Variants in PRKAR1B observed in about 807,000 individuals in gnomAD.
PRKAR1B encodes cAMP-dependent protein kinase type I-beta regulatory subunit.
PRKAR1B carries 22 observed loss-of-function variants against 46.5 expected under a neutral mutation model. The observed-to-expected ratio is 0.47, with a 90% CI of 0.34 to 0.68. The LOEUF (loss-of-function observed/expected upper bound fraction) is 0.68. Among genes scored for constraint, PRKAR1B ranks in the 30% least tolerant of loss-of-function variants. PRKAR1B has a pLI of 0.01. For missense variants in PRKAR1B, 445 were observed against 535.6 expected, an observed-to-expected ratio of 0.83 and a Z score of 1.67; for synonymous variants, 259 against 217.7, an observed-to-expected ratio of 1.19 and a Z score of -1.67.
chr7:552,236 C>G (rs113895949), intron 9 of PRKAR1B, among the ~76,000 whole-genome samples: 141 of 99,676 alleles, frequency 1.4e-3, no homozygotes, highest in African/African-American at 2.0e-3. Context: ...ACGTCACCAC[C>G]CAAACCCCCA....
chr7:596,943 G>A (rs780238875), intron 6 of PRKAR1B, among the ~76,000 whole-genome samples: 15 of 152,256 alleles, frequency 9.9e-5, no homozygotes, highest in Admixed American at 2.0e-4. Flanking sequence ...TGGGCGCTGC[G>A]GCCGAGCTGC....
intron 8 of PRKAR1B, among the ~76,000 whole-genome samples, chr7:580,684 T>A (rs1780122469): frequency 6.6e-6 from 1 of 151,250 alleles, no homozygotes; most frequent in Admixed American, 6.6e-5. Flanking sequence ...GAAAAAAAAT[T>A]TACTAACGTC....
Position 584,495 on chromosome 7 carries a change from C to A in PRKAR1B, c.769+13G>T, listed in dbSNP as rs370508759. 6 of 1,613,042 alleles carry A rather than the reference C, an allele frequency of 3.7e-6. No homozygotes were observed. Among genetic ancestry groups the A allele is most frequent in the African/African-American group, 1.3e-5 (1 of 74,928 alleles). On this transcript the variant is annotated intron_variant, in intron 8 of 10. Transcript: ENST00000537384. ...GTCGGGACACACAGCCGTGCAGGGGCGCAGCCACTGACCTAGGATGGAGAC... is the reference window on the plus strand; with the variant it reads ...GTCGGGACACACAGCCGTGCAGGGGAGCAGCCACTGACCTAGGATGGAGAC...
At chr7:660,536 C>T (rs1785459505) in intron 4 of PRKAR1B, among the ~76,000 whole-genome samples, 2 of 118,710 alleles carry the variant, frequency 1.7e-5, no homozygotes. Context: ...TGGCACAGGT[C>T]CCCACCCCAA....
intron 4 of PRKAR1B, among the ~76,000 whole-genome samples, chr7:613,239 TTG>T (rs1193840163): frequency 6.9e-6 from 1 of 144,642 alleles, no homozygotes; most frequent in East Asian, 1.9e-4. Flanking sequence ...TCTTTTTCTT[TTG>T]TTTTTTTTTT....
At chr7:572,866 T>C (rs1779604038) in intron 9 of PRKAR1B, among the ~76,000 whole-genome samples, 1 of 152,180 alleles carries the variant, frequency 6.6e-6, no homozygotes, top group Non-Finnish European at 1.5e-5. Context: ...CTTTAGAAAC[T>C]GCTGGAGGAA....
At chr7:613,499 T>G (rs1038719818) in intron 4 of PRKAR1B, among the ~76,000 whole-genome samples, 8 of 152,244 alleles carry the variant, frequency 5.3e-5, no homozygotes, top group Admixed American at 5.2e-4. Context: ...GCGTACGGGA[T>G]CAGAACCAGC....
At chr7:582,798 C>A (rs1780268619) in intron 8 of PRKAR1B, among the ~76,000 whole-genome samples, 1 of 152,240 alleles carries the variant, frequency 6.6e-6, no homozygotes, top group Admixed American at 6.5e-5. Flanking sequence ...CCACCCAGGT[C>A]TGGCTGAAAG....
At chr7:656,308 G>C (rs908721981) in intron 4 of PRKAR1B, among the ~76,000 whole-genome samples, 1 of 152,186 alleles carries the variant, frequency 6.6e-6, no homozygotes, top group Admixed American at 6.5e-5. Flanking sequence ...ATGAGCTAAT[G>C]AATGAATGAA....
intron 2 of PRKAR1B, among the ~76,000 whole-genome samples, chr7:694,254 C>T (rs2128518193): frequency 6.6e-6 from 1 of 152,234 alleles, no homozygotes; most frequent in African/African-American, 2.4e-5. Flanking sequence ...CACTGCACTC[C>T]AGCCTGGGCG....
At chr7:563,844 T>G (rs1158772225) in intron 9 of PRKAR1B, among the ~76,000 whole-genome samples, 1 of 151,716 alleles carries the variant, frequency 6.6e-6, no homozygotes, top group South Asian at 2.1e-4. Flanking sequence ...CGGATCAGTG[T>G]GTGTGCATGG....
intron 7 of PRKAR1B, among the ~76,000 whole-genome samples, chr7:591,716 T>C (rs904659754): frequency 2.6e-5 from 4 of 152,012 alleles, no homozygotes; most frequent in South Asian, 2.1e-4. Flanking sequence ...AAGAAAAATA[T>C]ATACAGCAGC....
Position 714,564 on chromosome 7 carries a change from C to T in PRKAR1B, c.-22-3037G>A, listed in dbSNP as rs186120696. On this transcript the variant is annotated intron_variant, in intron 1 of 10. Coordinates refer to ENST00000537384, the MANE Select transcript of PRKAR1B (RefSeq NM_001164760.2). This position sits in a 1 kb window ranked among gnomAD's most constrained non-coding sequence, Gnocchi z 4.3. ...CTCTCTCTTTCACACTTTTCCCCGC[C>T]ACTCAGATCCCTGTTCCAGTGGCCC... Among the ~76,000 whole-genome samples the T allele has an allele frequency of 3.3e-3, 503 of 152,336 alleles. 2 individuals are homozygous for T. Among genetic ancestry groups the T allele is most frequent in the Non-Finnish European group, 5.5e-3 (377 of 68,028 alleles).
At chr7:723,842 G>A (rs550073591) in intron 1 of PRKAR1B, among the ~76,000 whole-genome samples, 18 of 152,300 alleles carry the variant, frequency 1.2e-4, no homozygotes, top group African/African-American at 4.3e-4. Context: ...ACCTGAGGCT[G>A]CCGTAACAAA....
chr7:636,002 G>GGACTGT (rs1784044120), intron 4 of PRKAR1B, among the ~76,000 whole-genome samples: 2 of 76,798 alleles, frequency 2.6e-5, no homozygotes, highest in Non-Finnish European at 5.2e-5. Flanking sequence ...GTCCTCCACC[G>GGACTGT]GCCGCGCCCT....
At position 550,606 on chromosome 7, in the gene PRKAR1B, G is replaced by A; in HGVS notation, c.974-4C>T. The stretch of plus-strand genomic sequence containing the variant: ...TTCAGCAGCAGTGCAATCTCCCCTG[G>A]GGGTTGAAGAGAGAGGTCAGGGCTG... On this transcript the variant is annotated splice_region_variant and splice_polypyrimidine_tract_variant and intron_variant, in intron 10 of 10. Transcript: ENST00000537384. 1.3e-6 allele frequency: 2 copies of A among 1,554,564 alleles called. No individual in the cohort carries two copies. Among genetic ancestry groups the A allele is most frequent in the Non-Finnish European group, 1.7e-6 (2 of 1,154,560 alleles).
At chr7:649,811 C>T (rs1458060077) in intron 4 of PRKAR1B, among the ~76,000 whole-genome samples, 1 of 151,910 alleles carries the variant, frequency 6.6e-6, no homozygotes, top group Non-Finnish European at 1.5e-5. Context: ...AGCGATCCCC[C>T]CATCTCAGCT....
At chr7:651,386 T>C (rs895153627) in intron 4 of PRKAR1B, among the ~76,000 whole-genome samples, 1 of 152,226 alleles carries the variant, frequency 6.6e-6, no homozygotes, top group South Asian at 2.1e-4. Context: ...CCGAAACACA[T>C]GATGCCTTAC....
intron 2 of PRKAR1B, among the ~76,000 whole-genome samples, chr7:692,906 G>A (rs1238752696): frequency 6.6e-6 from 1 of 151,966 alleles, no homozygotes; most frequent in Non-Finnish European, 1.5e-5. Context: ...AGGGGGCTGA[G>A]AAGAGGAGTT....
Sources: allele counts gnomAD v4.1 joint callset (sites outside exome capture counted in the v4.1 genomes callset), GRCh38; gene constraint gnomAD v4.1.1; non-coding constraint Gnocchi (gnomAD v3.1); transcripts MANE v1.5; gene names NCBI Gene and HGNC (gene_info 2026-07-23, HGNC 2026-07-21).